SND1: variants seen among roughly 807,000 people sequenced by gnomAD.
The protein encoded by SND1 is staphylococcal nuclease domain-containing protein 1.
A neutral mutation model predicts 121.7 loss-of-function variants in SND1; 38 were observed. The observed-to-expected ratio is 0.31, with a 90% CI of 0.24 to 0.41. The LOEUF (loss-of-function observed/expected upper bound fraction) is 0.41. Ranked by LOEUF, SND1 falls within the 10% of genes least tolerant of loss-of-function variation. SND1 has a pLI of 1.00. For missense variants in SND1, 868 were observed against 1,184.6 expected, an observed-to-expected ratio of 0.73 and a Z score of 3.92; for synonymous variants, 401 against 447.4, an observed-to-expected ratio of 0.90 and a Z score of 1.31.
intron 1 of SND1, among the ~76,000 whole-genome samples, chr7:127,678,383 G>A (rs537241765): frequency 2.0e-4 from 30 of 152,218 alleles, no homozygotes; most frequent in African/African-American, 6.3e-4. Context: ...TGTAAACTGC[G>A]GCCCGATTTT....
chr7:127,931,443 G>T (rs1352140700), intron 15 of SND1, among the ~76,000 whole-genome samples: 2 of 152,184 alleles, frequency 1.3e-5, no homozygotes, highest in Non-Finnish European at 2.9e-5. Context: ...GGTTCATGAG[G>T]TTTAAGGAGA....
At chr7:128,065,036 A>G (rs2117038648) in intron 16 of SND1, among the ~76,000 whole-genome samples, 1 of 152,328 alleles carries the variant, frequency 6.6e-6, no homozygotes, top group South Asian at 2.1e-4. Flanking sequence ...CTCTGGGTAA[A>G]GAGAAAGAGG....
At chr7:127,788,366 G>C (rs1484304589) in intron 10 of SND1, among the ~76,000 whole-genome samples, 1 of 152,190 alleles carries the variant, frequency 6.6e-6, no homozygotes, top group African/African-American at 2.4e-5. Flanking sequence ...GTAATTAGCA[G>C]ATTAGAGAAT....
chr7:127,848,290 A>T (rs190017484), intron 12 of SND1, among the ~76,000 whole-genome samples: 89 of 152,338 alleles, frequency 5.8e-4, no homozygotes, highest in African/African-American at 2.0e-3. Context: ...TTGTATTTCA[A>T]TGATATTTAA....
intron 11 of SND1, among the ~76,000 whole-genome samples, chr7:127,840,761 T>A (rs1472310395): frequency 6.6e-6 from 1 of 152,168 alleles, no homozygotes; most frequent in Non-Finnish European, 1.5e-5. Context: ...AATTACACAT[T>A]GACTTTAATT....
At position 127,795,888 on chromosome 7, in the gene SND1, T is replaced by C. The variant is rs559003159; in HGVS notation, c.1153-11596T>C. 2.2e-4 allele frequency among the ~76,000 whole-genome samples: 33 copies of C among 152,186 alleles called. No homozygotes were observed. In the East Asian group the frequency reaches 4.4e-3, roughly 20 times the overall value. The stretch of plus-strand genomic sequence containing the variant: ...TTTATTTATTTTTGAGACACAGTCT[T>C]GCTCTGTCACCCAGGCTGGAGTGCA... On this transcript the variant is annotated intron_variant, in intron 10 of 23. Transcript: ENST00000354725.
chr7:127,902,822 T>C (rs1292255754), intron 13 of SND1, among the ~76,000 whole-genome samples: 1 of 152,100 alleles, frequency 6.6e-6, no homozygotes, highest in African/African-American at 2.4e-5. Context: ...GTTCAAGCAG[T>C]TCTGCCTCAG....
At chr7:127,734,667 G>A (rs960211101) in intron 10 of SND1, among the ~76,000 whole-genome samples, 2 of 152,164 alleles carry the variant, frequency 1.3e-5, no homozygotes, top group African/African-American at 4.8e-5. Context: ...CTTCTGAACT[G>A]TGACTGGCAC....
intron 14 of SND1, among the ~76,000 whole-genome samples, chr7:127,927,534 G>A (rs946919108): frequency 6.6e-6 from 1 of 152,214 alleles, no homozygotes; most frequent in African/African-American, 2.4e-5. Context: ...GTGTATATGT[G>A]TAGGAGAATG....
chr7:127,915,880 TG>T, intron 14 of SND1, among the ~76,000 whole-genome samples: 1 of 152,288 alleles, frequency 6.6e-6, no homozygotes, highest in African/African-American at 2.4e-5. Context: ...AGGATAGTAA[TG>T]GGAGAATGAA....
intron 7 of SND1, among the ~76,000 whole-genome samples, chr7:127,703,685 C>T (rs1214570246): frequency 3.3e-5 from 5 of 152,146 alleles, no homozygotes; most frequent in African/African-American, 9.7e-5. Flanking sequence ...GCACTCCAGT[C>T]TGGGCAACAG....
chr7:127,908,318 ATGTGTGTGTGTG>A lies in SND1; in HGVS notation c.1527+3530_1527+3541del, dbSNP rs10579969. Among the ~76,000 whole-genome samples, 464 of 138,506 alleles carry A rather than the reference ATGTGTGTGTGTG, an allele frequency of 3.4e-3. 2 individuals are homozygous for A. Among genetic ancestry groups the A allele is most frequent in the East Asian group, 0.021 (99 of 4,788 alleles). The allele number at this position is 138,506 out of a possible 152,430, so 90.9% of individuals were successfully genotyped here. On this transcript the variant is annotated intron_variant, in intron 14 of 23. Transcript: ENST00000354725. ...TCTACCAAAAAAAAAATAATAATAA[ATGTGTGTGTGTG>A]TGTGTGTGTGTGTGTGTGTGTGTGT...
At chr7:127,997,730 C>T (rs1488225009) in intron 16 of SND1, 1 of 534,250 alleles carries the variant, frequency 1.9e-6, no homozygotes, top group Admixed American at 1.9e-5. Flanking sequence ...TAATTCGTGC[C>T]TTATCAGAAT....
intron 1 of SND1, among the ~76,000 whole-genome samples, chr7:127,682,306 C>G (rs1395825294): frequency 6.6e-6 from 1 of 152,158 alleles, no homozygotes; most frequent in Non-Finnish European, 1.5e-5. Flanking sequence ...TCTCAGCTGC[C>G]TTGTTTCAGC....
chr7:127,833,325 G>T (rs1798799245), intron 11 of SND1, among the ~76,000 whole-genome samples: 1 of 149,820 alleles, frequency 6.7e-6, no homozygotes, highest in Non-Finnish European at 1.5e-5. Flanking sequence ...GAGTGCAGTG[G>T]CTCGATGTTG....
chr7:128,046,735 T>A (rs1295046266), intron 16 of SND1, among the ~76,000 whole-genome samples: 1 of 152,252 alleles, frequency 6.6e-6, no homozygotes, highest in South Asian at 2.1e-4. Context: ...GCTGGGATTA[T>A]AGGCATGAGC....
chr7:127,959,666 C>T (rs1801681497), intron 15 of SND1, among the ~76,000 whole-genome samples: 2 of 152,174 alleles, frequency 1.3e-5, no homozygotes, highest in Non-Finnish European at 2.9e-5. Context: ...TACCCCATTC[C>T]CTCTCCCTCT....
intron 15 of SND1, among the ~76,000 whole-genome samples, chr7:127,969,464 G>A (rs539205153): frequency 7.9e-5 from 12 of 152,264 alleles, no homozygotes; most frequent in Admixed American, 7.8e-4. Flanking sequence ...AGTGACTCAC[G>A]CCTGTAATCC....
chr7:127,815,540 A>T (rs573157627), intron 11 of SND1, among the ~76,000 whole-genome samples: 1 of 152,162 alleles, frequency 6.6e-6, no homozygotes, highest in East Asian at 1.9e-4. Flanking sequence ...GAGGAGGAGG[A>T]CGAGGAGGAG....
Sources: gnomAD v4.1 joint callset for allele counts (sites outside exome capture counted in the v4.1 genomes callset) on GRCh38, gnomAD v4.1.1 for gene constraint, MANE v1.5 for transcripts, NCBI Gene and HGNC (gene_info 2026-07-23, HGNC 2026-07-21) for gene names.